PTPN3: variants seen among roughly 807,000 people sequenced by gnomAD.
PTPN3 encodes the protein protein tyrosine phosphatase non-receptor type 3, also known as tyrosine-protein phosphatase non-receptor type 3.
PTPN3 carries 96 observed loss-of-function variants against 132.7 expected under a neutral mutation model. That is an observed-to-expected ratio of 0.72 (90% CI 0.61 to 0.86). The LOEUF is 0.86. Ranked by LOEUF, PTPN3 falls within the 40% of genes least tolerant of loss-of-function variation. The pLI is 0.00. For missense variants in PTPN3, 1,125 were observed against 1,159.6 expected (o/e 0.97, Z 0.43); for synonymous variants, 398 against 429.0 (o/e 0.93, Z 0.89).
At chr9:109,491,484 G>A (rs577123117) in intron 1 of PTPN3, among the ~76,000 whole-genome samples, 3 of 151,984 alleles carry the variant, frequency 2.0e-5, no homozygotes, top group African/African-American at 7.2e-5. Flanking sequence ...ACCTTCCTAT[G>A]GGTCTGAATT....
chr9:109,496,380 T>C (rs549568761), intron 1 of PTPN3, among the ~76,000 whole-genome samples: 42 of 152,344 alleles, frequency 2.8e-4, no homozygotes, highest in African/African-American at 9.1e-4. Context: ...AAGTCATCCA[T>C]ATCAAAGCCT....
At chr9:109,533,922 T>TA in the PTPN3 span, 1 of 751,626 alleles carries the variant, frequency 1.3e-6, no homozygotes, top group South Asian at 1.5e-5. Context: ...GCTGCATGTT[T>TA]ACTGCCTTGA....
chr9:109,509,161 C>T, the PTPN3 span, among the ~76,000 whole-genome samples: 1 of 152,178 alleles, frequency 6.6e-6, no homozygotes, highest in South Asian at 2.1e-4. Context: ...ATTAAAAAGT[C>T]TGTAAAATCC....
At chr9:109,430,242 C>G (rs3793531) in intron 10 of PTPN3, among the ~76,000 whole-genome samples, 82,640 of 151,792 alleles carry the variant, frequency 0.54, 22,805 homozygotes, top group South Asian at 0.71. Context: ...TTCTGCAGAA[C>G]GAGTCAGGAG....
chr9:109,407,857 T>A (rs1223756542), intron 17 of PTPN3, among the ~76,000 whole-genome samples: 1 of 152,082 alleles, frequency 6.6e-6, no homozygotes, highest in South Asian at 2.1e-4. Flanking sequence ...CTAAAAACAA[T>A]AAAATAAATT....
At chr9:109,450,717 A>C (rs1845189771) in intron 5 of PTPN3, 1 of 985,366 alleles carries the variant, frequency 1.0e-6, no homozygotes, top group Non-Finnish European at 1.2e-6. Flanking sequence ...ACAATGAAGA[A>C]GATATTTATT....
intron 1 of PTPN3, among the ~76,000 whole-genome samples, chr9:109,495,751 A>C (rs191133989): frequency 3.6e-4 from 55 of 152,336 alleles, no homozygotes; most frequent in African/African-American, 1.3e-3. Flanking sequence ...GACTTGAATG[A>C]GAATGCTTAA....
intron 12 of PTPN3, among the ~76,000 whole-genome samples, chr9:109,425,140 T>C (rs1588399609): frequency 1.3e-5 from 2 of 152,344 alleles, no homozygotes; most frequent in Admixed American, 6.5e-5. Context: ...AACAGTATTA[T>C]AAGAGCTAAA....
At chr9:109,535,895 A>C in the PTPN3 span, among the ~76,000 whole-genome samples, 5 of 152,178 alleles carry the variant, frequency 3.3e-5, no homozygotes, top group African/African-American at 1.2e-4. Flanking sequence ...AGAATTAACC[A>C]CTTAAACAGA....
chr9:109,439,041 T>C (rs1844259895), intron 7 of PTPN3, among the ~76,000 whole-genome samples: 1 of 152,158 alleles, frequency 6.6e-6, no homozygotes, highest in Admixed American at 6.5e-5. Flanking sequence ...GACTGTTGTC[T>C]GCCAATGTGA....
rs555695836 is a variant in PTPN3 at position 109,437,068 on chromosome 9, G to A, written c.588-98C>T. ...AGAACATTTGATACCATTTCTGTAAGGTTATTAAATGCCTTATGTTATCAA... is the reference window on the plus strand; with the variant it reads ...AGAACATTTGATACCATTTCTGTAAAGTTATTAAATGCCTTATGTTATCAA... On this transcript the variant is annotated intron_variant, in intron 8 of 25. Coordinates refer to ENST00000374541, the MANE Select transcript of PTPN3 (RefSeq NM_002829.4). The A allele has an allele frequency of 1.2e-5, 18 of 1,536,728 alleles. No homozygotes were observed. In the East Asian group the frequency reaches 2.1e-4, roughly 18 times the overall value.
intron 1 of PTPN3, among the ~76,000 whole-genome samples, chr9:109,477,925 C>T (rs1846765413): frequency 6.6e-6 from 1 of 152,240 alleles, no homozygotes; most frequent in South Asian, 2.1e-4. Context: ...TTTCGGGGCA[C>T]ATGCACTGGC....
chr9:109,497,007 AT>A lies in PTPN3; in HGVS notation c.-18+1211del, dbSNP rs1442557647. 7.9e-5 allele frequency among the ~76,000 whole-genome samples: 12 copies of A among 152,342 alleles called. No homozygotes were observed. In the East Asian group the frequency reaches 2.3e-3, roughly 29 times the overall value. On this transcript the variant is annotated intron_variant, in intron 1 of 25. Coordinates refer to ENST00000374541, the MANE Select transcript of PTPN3 (RefSeq NM_002829.4). ...TGCTTAAACATTTGCAAGATGGATC[AT>A]CTTGCAAAACAGCTCTTTTGTAAGT...
rs150830356 is a variant in PTPN3 at position 109,401,141 on chromosome 9, C to T, written c.1953+3307G>A. Among the ~76,000 whole-genome samples the T allele has an allele frequency of 4.6e-4, 70 of 152,342 alleles. No homozygotes were observed. In the East Asian group the frequency reaches 0.011, roughly 25 times the overall value. ...ACTGTATAGACAAAAATGAAGGAAA[C>T]GTGTACATGCTAAAACGCAACCCTA... On this transcript the variant is annotated intron_variant, in intron 19 of 25. Coordinates refer to ENST00000374541, the MANE Select transcript of PTPN3 (RefSeq NM_002829.4).
chr9:109,435,640 T>C (rs1041312456), intron 9 of PTPN3, among the ~76,000 whole-genome samples: 1 of 152,170 alleles, frequency 6.6e-6, no homozygotes, highest in Non-Finnish European at 1.5e-5. Context: ...GTGGGGGTCT[T>C]TGCCACGCAG....
intron 23 of PTPN3, among the ~76,000 whole-genome samples, chr9:109,382,864 G>A (rs1588283778): frequency 6.6e-6 from 1 of 151,546 alleles, no homozygotes; most frequent in South Asian, 2.1e-4. Flanking sequence ...ATGTTGTAGA[G>A]CCATCAGCAC....
At chr9:109,460,473 C>T (rs1845791298) in intron 2 of PTPN3, among the ~76,000 whole-genome samples, 1 of 152,132 alleles carries the variant, frequency 6.6e-6, no homozygotes, top group Non-Finnish European at 1.5e-5. Context: ...CTACAAGGCT[C>T]CATGCGATCC....
At chr9:109,510,002 C>T in the PTPN3 span, among the ~76,000 whole-genome samples, 1 of 152,120 alleles carries the variant, frequency 6.6e-6, no homozygotes, top group Non-Finnish European at 1.5e-5. Context: ...ATAGACAAGG[C>T]CTGTCAAACA....
chr9:109,533,320 A>G, the PTPN3 span: 3 of 431,198 alleles, frequency 7.0e-6, no homozygotes, highest in South Asian at 2.3e-5. Flanking sequence ...AATTTTTTGT[A>G]TTTTTAGTAG....
Sources: gnomAD v4.1 joint callset for allele counts (sites outside exome capture counted in the v4.1 genomes callset) on GRCh38, gnomAD v4.1.1 for gene constraint, MANE v1.5 for transcripts, NCBI Gene and HGNC (gene_info 2026-07-23, HGNC 2026-07-21) for gene names.